Variants in KCNIP4 observed in about 807,000 individuals in gnomAD.
KCNIP4 encodes the protein potassium voltage-gated channel interacting protein 4.
A neutral mutation model predicts 34.0 loss-of-function variants in KCNIP4; 12 were observed. That is an observed-to-expected ratio of 0.35 (90% CI 0.23 to 0.57). The LOEUF (loss-of-function observed/expected upper bound fraction) is 0.57. Ranked by LOEUF, KCNIP4 falls within the 20% of genes least tolerant of loss-of-function variation. The pLI is 0.83. For missense variants in KCNIP4, 238 were observed against 311.7 expected (o/e 0.76, Z 1.78); for synonymous variants, 124 against 102.2 (o/e 1.21, Z -1.29).
chr4:20,813,404 T>A (rs188883838), intron 3 of KCNIP4, among the ~76,000 whole-genome samples: 25 of 152,200 alleles, frequency 1.6e-4, no homozygotes, highest in Middle Eastern at 3.4e-3. Context: ...AAGGGCAGAT[T>A]TAAATGTTTT....
intron 1 of KCNIP4, among the ~76,000 whole-genome samples, chr4:20,963,167 A>G (rs963289681): frequency 7.6e-6 from 1 of 131,598 alleles, no homozygotes; most frequent in African/African-American, 2.9e-5. Flanking sequence ...CTAAAAATAC[A>G]AAAAAAAAAA....
At chr4:21,825,196 A>G (rs1258408467) in intron 1 of KCNIP4, among the ~76,000 whole-genome samples, 1 of 152,148 alleles carries the variant, frequency 6.6e-6, no homozygotes, top group African/African-American at 2.4e-5. Context: ...CTTTTTATCA[A>G]GTGCCACTGA....
chr4:21,659,345 A>G lies in KCNIP4; in HGVS notation c.61+289226T>C, dbSNP rs1049259513. On this transcript the variant is annotated intron_variant, in intron 1 of 8. Coordinates refer to ENST00000382152, the MANE Select transcript of KCNIP4 (RefSeq NM_025221.6). ...TTTAAAATCTTACTAAGAATCTCTC[A>G]TCTCTTTATTCATACTCCTGGATGA... 2.0e-5 allele frequency among the ~76,000 whole-genome samples: 3 copies of G among 152,296 alleles called. No individual in the cohort carries two copies. In the South Asian group the frequency reaches 6.2e-4, roughly 32 times the overall value.
Position 21,010,116 on chromosome 4 carries a change from C to G in KCNIP4, c.62-127407G>C, listed in dbSNP as rs151330465. Among the ~76,000 whole-genome samples, 14 of 152,294 alleles carry G rather than the reference C, an allele frequency of 9.2e-5. No individual in the cohort carries two copies. The East Asian group carries it at 2.7e-3, about 29-fold the overall frequency. ...CTCATACTCGAGGTTAGGACTTCAA[C>G]AGTAGGTCACACACTTACTGCTAAT... On this transcript the variant is annotated intron_variant, in intron 1 of 8. Coordinates refer to ENST00000382152, the MANE Select transcript of KCNIP4 (RefSeq NM_025221.6).
intron 1 of KCNIP4, among the ~76,000 whole-genome samples, chr4:21,221,534 G>A (rs879758272): frequency 3.3e-5 from 5 of 152,088 alleles, no homozygotes; most frequent in Non-Finnish European, 7.4e-5. Context: ...ATCAGATCTT[G>A]TGAGAACTCA....
chr4:20,995,533 T>A (rs1737471659), intron 1 of KCNIP4, among the ~76,000 whole-genome samples: 1 of 152,294 alleles, frequency 6.6e-6, no homozygotes, highest in East Asian at 1.9e-4. Context: ...TGGAACTCAG[T>A]CCTGCTATGA....
chr4:20,895,569 A>G (rs1203388918), intron 1 of KCNIP4, among the ~76,000 whole-genome samples: 1 of 152,150 alleles, frequency 6.6e-6, no homozygotes, highest in African/African-American at 2.4e-5. Context: ...TCCTTTCCTG[A>G]GTTCTTTTGT....
At chr4:20,862,649 A>G (rs760672324) in intron 2 of KCNIP4, among the ~76,000 whole-genome samples, 6 of 152,178 alleles carry the variant, frequency 3.9e-5, no homozygotes, top group Non-Finnish European at 5.9e-5. Flanking sequence ...CTAAAAATCA[A>G]TAACAAGACA....
intron 1 of KCNIP4, among the ~76,000 whole-genome samples, chr4:21,269,350 G>A (rs1472971231): frequency 6.6e-6 from 1 of 152,084 alleles, no homozygotes; most frequent in Admixed American, 6.6e-5. Flanking sequence ...TAAATCCAAG[G>A]AGTCTGTCTC....
At chr4:20,886,401 T>C (rs1445153027) in intron 1 of KCNIP4, among the ~76,000 whole-genome samples, 1 of 152,150 alleles carries the variant, frequency 6.6e-6, no homozygotes, top group African/African-American at 2.4e-5. Flanking sequence ...AGGCCAGGGT[T>C]AAGAGAGAAT....
intron 1 of KCNIP4, among the ~76,000 whole-genome samples, chr4:21,209,951 A>T (rs1361600614): frequency 6.6e-6 from 1 of 152,156 alleles, no homozygotes; most frequent in Non-Finnish European, 1.5e-5. Context: ...AGCATTGTTC[A>T]TGCTCAAATG....
chr4:21,320,397 A>G (rs1297147618), intron 1 of KCNIP4, among the ~76,000 whole-genome samples: 1 of 152,186 alleles, frequency 6.6e-6, no homozygotes, highest in East Asian at 1.9e-4. Context: ...TGAGTCAAGG[A>G]AACTATAGAG....
intron 1 of KCNIP4, among the ~76,000 whole-genome samples, chr4:21,608,359 C>G (rs558083387): frequency 6.6e-6 from 1 of 152,184 alleles, no homozygotes; most frequent in Non-Finnish European, 1.5e-5. Context: ...CTCATTCAGG[C>G]TGCTGGCTGA....
intron 1 of KCNIP4, among the ~76,000 whole-genome samples, chr4:21,360,168 G>T (rs191718804): frequency 5.3e-4 from 80 of 152,144 alleles, no homozygotes; most frequent in Admixed American, 5.2e-3. Flanking sequence ...ACATGACCTT[G>T]TACTTATTTG....
At chr4:21,167,680 A>T (rs1214658168) in intron 1 of KCNIP4, among the ~76,000 whole-genome samples, 1 of 152,218 alleles carries the variant, frequency 6.6e-6, no homozygotes, top group Non-Finnish European at 1.5e-5. Flanking sequence ...ACTTTTATTT[A>T]ATTATATTTA....
At chr4:20,940,530 C>A (rs1040524914) in intron 1 of KCNIP4, among the ~76,000 whole-genome samples, 11 of 152,110 alleles carry the variant, frequency 7.2e-5, no homozygotes, top group African/African-American at 2.7e-4. Flanking sequence ...TGATGAAATT[C>A]ATGGGATATT....
chr4:21,624,426 G>T (rs1745190437), intron 1 of KCNIP4, among the ~76,000 whole-genome samples: 1 of 152,078 alleles, frequency 6.6e-6, no homozygotes, highest in Admixed American at 6.5e-5. Flanking sequence ...AAATAAGTGG[G>T]TGTGGAATAG....
rs373770627 is a variant in KCNIP4 at position 21,633,790 on chromosome 4, T to C, written c.61+314781A>G. Among the ~76,000 whole-genome samples, 259 of 152,264 alleles carry C rather than the reference T, an allele frequency of 1.7e-3. 9 individuals are homozygous for C. In the South Asian group the frequency reaches 0.047, roughly 28 times the overall value. On this transcript the variant is annotated intron_variant, in intron 1 of 8. Transcript: ENST00000382152. ...AAATTATTAACATATTTATTCATTT[T>C]AAGATATAAAGTTAGTACATGTTAA...
intron 3 of KCNIP4, among the ~76,000 whole-genome samples, chr4:20,849,238 G>A (rs944281357): frequency 2.6e-5 from 4 of 152,046 alleles, no homozygotes; most frequent in African/African-American, 7.2e-5. Context: ...CGAAGTCCTA[G>A]GTCTTTGCAG....
Sources: allele counts gnomAD v4.1 joint callset (sites outside exome capture counted in the v4.1 genomes callset), GRCh38; gene constraint gnomAD v4.1.1; transcripts MANE v1.5; gene names NCBI Gene and HGNC (gene_info 2026-07-23, HGNC 2026-07-21).